The following CACNB4 variants were observed in gnomAD, a reference collection of about 807,000 sequenced individuals.
The protein encoded by CACNB4 is voltage-dependent L-type calcium channel subunit beta-4.
Under a neutral mutation model 71.2 loss-of-function variants are expected in CACNB4, and 32 were observed. The ratio of observed to expected loss-of-function variants is 0.45; its 90% CI spans 0.34 to 0.60. The LOEUF is 0.60. Ranked by LOEUF, CACNB4 falls within the 20% of genes least tolerant of loss-of-function variation. The pLI, the probability that CACNB4 is intolerant of heterozygous loss-of-function variation, is 0.01. For synonymous variants in CACNB4, 231 were observed against 236.9 expected (o/e 0.97, Z 0.23); for missense variants, 464 against 647.9 (o/e 0.72, Z 3.08).
chr2:152,041,762 C>A (rs1046401920), intron 2 of CACNB4, among the ~76,000 whole-genome samples: 2 of 152,066 alleles, frequency 1.3e-5, no homozygotes, highest in African/African-American at 2.4e-5. Flanking sequence ...CTTCCAAAAC[C>A]ATCAAAAAGG....
rs142673056 is a variant in CACNB4, at chr2:151,897,119, C to G, written c.148-13749G>C. 2.5e-3 allele frequency among the ~76,000 whole-genome samples: 382 copies of G among 152,322 alleles called. 4 individuals carry two copies. Among genetic ancestry groups the G allele is most frequent in the African/African-American group, 8.9e-3 (370 of 41,578 alleles). On this transcript the variant is annotated intron_variant, in intron 2 of 13. Coordinates refer to ENST00000539935, the MANE Select transcript of CACNB4 (RefSeq NM_000726.5). ...AATTACTGAGAATGCTAGGTTCTCT[C>G]CAGCACATCATCTTGATTTCTCTCC...
chr2:152,036,719 A>T (rs1245533949), intron 2 of CACNB4, among the ~76,000 whole-genome samples: 1 of 126,736 alleles, frequency 7.9e-6, no homozygotes, highest in African/African-American at 2.5e-5. Flanking sequence ...GAGTCTTGGA[A>T]GTAATATTTC....
At chr2:151,869,741 A>G (rs2099844116) in intron 8 of CACNB4, 2 of 169,622 alleles carry the variant, frequency 1.2e-5, no homozygotes, top group African/African-American at 4.8e-5. Flanking sequence ...CAACTCTGAG[A>G]AAGACAAGAG....
chr2:152,004,611 T>C (rs1682618831), intron 2 of CACNB4, among the ~76,000 whole-genome samples: 1 of 151,910 alleles, frequency 6.6e-6, no homozygotes, highest in Non-Finnish European at 1.5e-5. Flanking sequence ...CTGCCCCTCC[T>C]GCCTTCAGTG....
At chr2:152,027,672 T>G (rs1363865983) in intron 2 of CACNB4, among the ~76,000 whole-genome samples, 1 of 151,884 alleles carries the variant, frequency 6.6e-6, no homozygotes, top group African/African-American at 2.4e-5. Context: ...ACCCACACGG[T>G]GAAACCCAGT....
intron 2 of CACNB4, among the ~76,000 whole-genome samples, chr2:152,041,968 G>A (rs1684896149): frequency 6.6e-6 from 1 of 152,154 alleles, no homozygotes; most frequent in Non-Finnish European, 1.5e-5. Context: ...CCAGCACATA[G>A]GAGGTGTTCA....
chr2:152,038,601 G>A (rs1367215360), intron 2 of CACNB4, among the ~76,000 whole-genome samples: 4 of 152,228 alleles, frequency 2.6e-5, no homozygotes, highest in Non-Finnish European at 5.9e-5. Flanking sequence ...CTGCTGGCTC[G>A]TATAACAGCT....
intron 2 of CACNB4, among the ~76,000 whole-genome samples, chr2:151,904,181 T>C (rs942331566): frequency 2.0e-5 from 3 of 152,258 alleles, no homozygotes; most frequent in Non-Finnish European, 4.4e-5. Flanking sequence ...TCATGATTAA[T>C]TGGGTAGTTA....
intron 2 of CACNB4, among the ~76,000 whole-genome samples, chr2:151,886,044 C>T (rs2099849276): frequency 6.6e-6 from 1 of 152,088 alleles, no homozygotes; most frequent in Non-Finnish European, 1.5e-5. Context: ...AACTCCTAGG[C>T]TCAGGTGATC....
At chr2:152,035,141 A>G (rs998504107) in intron 2 of CACNB4, among the ~76,000 whole-genome samples, 4 of 152,174 alleles carry the variant, frequency 2.6e-5, no homozygotes, top group African/African-American at 7.2e-5. Context: ...TCTGACATCA[A>G]CTCCACCATG....
At chr2:152,072,892 G>A (rs975009931) in intron 2 of CACNB4, among the ~76,000 whole-genome samples, 4 of 151,132 alleles carry the variant, frequency 2.6e-5, no homozygotes, top group Admixed American at 6.6e-5. Flanking sequence ...CTCAGGATCC[G>A]CCCGCCTCGG....
chr2:152,005,721 T>G (rs528083786), intron 2 of CACNB4, among the ~76,000 whole-genome samples: 7 of 152,156 alleles, frequency 4.6e-5, no homozygotes, highest in Admixed American at 6.5e-5. Context: ...ACAAAATAAA[T>G]GAGAAACAGC....
At chr2:151,864,421 C>G (rs370459096) in intron 9 of CACNB4, among the ~76,000 whole-genome samples, 5 of 152,314 alleles carry the variant, frequency 3.3e-5, no homozygotes, top group African/African-American at 1.2e-4. Flanking sequence ...AAAGATATTA[C>G]TTTCAGTTAT....
At position 151,883,247 on chromosome 2, in the gene CACNB4, T is replaced by C; in HGVS notation, c.267+4A>G. ...TTGAGCCAAAGAGAAGGAAAGAGAC[T>C]CACCTTTGCTCTCTCAAGCTGGATA... On this transcript the variant is annotated splice_donor_region_variant and intron_variant, in intron 3 of 13. Transcript: ENST00000539935. 6.2e-7 allele frequency: 1 copy of C among 1,613,850 alleles called. No individual in the cohort carries two copies. The highest frequency in any genetic ancestry group is 1.1e-5 in the South Asian group (1 of 91,080).
At chr2:152,051,146 A>G (rs1349351745) in intron 2 of CACNB4, among the ~76,000 whole-genome samples, 1 of 152,166 alleles carries the variant, frequency 6.6e-6, no homozygotes, top group Non-Finnish European at 1.5e-5. Flanking sequence ...CCTAATGGAG[A>G]GACAGGTGAC....
In CACNB4 at chr2:152,088,148, CACACACACACACACACACACAT is replaced by C. The variant is rs1371513289; in HGVS notation, c.147+10160_147+10181del. Among the ~76,000 whole-genome samples, 5 of 150,086 alleles carry C rather than the reference CACACACACACACACACACACAT, an allele frequency of 3.3e-5. 1 individual carries two copies. The highest frequency in any genetic ancestry group is 9.9e-5 in the African/African-American group (4 of 40,440). ...GAATGCCTTCCCCACTTAACACACA[CACACACACACACACACACACAT>C]ACACACACACACACGGCAAATTAAA... On this transcript the variant is annotated intron_variant, in intron 2 of 13. Transcript: ENST00000539935.
At chr2:151,860,843 G>T (rs778325215) in intron 9 of CACNB4, 23 bp from the exon 10 acceptor site, 2 of 1,469,326 alleles carry the variant, frequency 1.4e-6, no homozygotes, top group Non-Finnish European at 1.9e-6. Context: ...ACACAGAACA[G>T]AACAAGCCAG....
At chr2:151,842,550 G>A (rs1049801518) in intron 12 of CACNB4, among the ~76,000 whole-genome samples, 1 of 151,874 alleles carries the variant, frequency 6.6e-6, no homozygotes, top group Admixed American at 6.6e-5. Context: ...TGGCCAGGCT[G>A]GTCTTGAACT....
intron 2 of CACNB4, among the ~76,000 whole-genome samples, chr2:151,884,634 CAAAAAAAAAA>C (rs35506114): frequency 4.9e-5 from 3 of 61,512 alleles, no homozygotes; most frequent in South Asian, 7.2e-4. Flanking sequence ...GACTCCGTCT[CAAAAAAAAAA>C]AAAAAAAAAA....
Sources: gnomAD v4.1 joint callset for allele counts (sites outside exome capture counted in the v4.1 genomes callset) on GRCh38, gnomAD v4.1.1 for gene constraint, MANE v1.5 for transcripts, NCBI Gene and HGNC (gene_info 2026-07-23, HGNC 2026-07-21) for gene names.